Variants in SBNO2 observed in about 807,000 individuals in gnomAD.
The protein encoded by SBNO2 is protein strawberry notch homolog 2.
SBNO2 carries 89 observed loss-of-function variants against 146.3 expected under a neutral mutation model. That is an observed-to-expected ratio of 0.61 (90% CI 0.51 to 0.73). The LOEUF (loss-of-function observed/expected upper bound fraction) is 0.73, where lower values mean the gene tolerates loss of function less well. SBNO2 is among the 30% of genes least tolerant of loss of function. The pLI, the probability that SBNO2 is intolerant of heterozygous loss-of-function variation, is 0.00. For synonymous variants in SBNO2, 1,147 were observed against 892.6 expected, an observed-to-expected ratio of 1.29 and a Z score of -5.08; for missense variants, 2,092 against 2,003.7, an observed-to-expected ratio of 1.04 and a Z score of -0.84.
At chr19:1,113,280 G>A (rs971111247) in intron 19 of SBNO2, among the ~76,000 whole-genome samples, 1 of 152,152 alleles carries the variant, frequency 6.6e-6, no homozygotes, top group African/African-American at 2.4e-5. Flanking sequence ...GATCTAAGCA[G>A]AGGCCTGCGC....
chr19:1,130,491 CA>C (rs1173359488), intron 4 of SBNO2, among the ~76,000 whole-genome samples: 1 of 150,554 alleles, frequency 6.6e-6, no homozygotes, highest in Non-Finnish European at 1.5e-5. Flanking sequence ...GACCCTATCT[CA>C]AAAAAAAAGT....
Position 1,164,371 on chromosome 19 carries a change from C to G in SBNO2, c.-127+9801G>C, listed in dbSNP as rs1197935978. Among the ~76,000 whole-genome samples the G allele has an allele frequency of 9.3e-5, 12 of 129,010 alleles. No homozygotes were observed. The Admixed American group carries it at 1.1e-3, about 12-fold the overall frequency. The allele number at this position is 129,010 out of a possible 152,430, so 84.6% of individuals were successfully genotyped here. A position where few individuals can be genotyped will look rare whatever the true frequency, so the allele number is the denominator to read the frequency against. On this transcript the variant is annotated intron_variant, in intron 1 of 31. Coordinates refer to ENST00000361757, the MANE Select transcript of SBNO2 (RefSeq NM_014963.3). ...GGACACTGTGGGGACGTCCCAGATG[C>G]CAGGGGCAGTGGAGACAGGAGGAGG... is the stretch of plus-strand genomic sequence containing the variant.
chr19:1,157,060 C>T lies in SBNO2; in HGVS notation c.-126-2658G>A, dbSNP rs967459400. Among the ~76,000 whole-genome samples, 6 of 151,574 alleles carry T rather than the reference C, an allele frequency of 4.0e-5. No individual in the cohort carries two copies. Among genetic ancestry groups the T allele is most frequent in the Admixed American group, 1.3e-4 (2 of 15,156 alleles). ...CCATATCTCACAACCCCTGCTGCCCCGATCCCCAGGCCCTCCCGCAGCCCC... is the reference window on the plus strand; with the variant it reads ...CCATATCTCACAACCCCTGCTGCCCTGATCCCCAGGCCCTCCCGCAGCCCC... On this transcript the variant is annotated intron_variant, in intron 1 of 31. Transcript: ENST00000361757. This position sits in a 1 kb window ranked among gnomAD's most constrained non-coding sequence, Gnocchi z 6.8.
chr19:1,115,863 G>A (rs2079824970), intron 17 of SBNO2, 158 bp downstream of exon 17: 4 of 691,650 alleles, frequency 5.8e-6, no homozygotes, highest in Non-Finnish European at 1.0e-5. Context: ...CGCAAGACCT[G>A]CCACTGGCAG....
chr19:1,158,837 C>T lies in SBNO2; in HGVS notation c.-126-4435G>A, dbSNP rs570275060. Among the ~76,000 whole-genome samples, 2 of 152,240 alleles carry T rather than the reference C, an allele frequency of 1.3e-5. No homozygotes were observed. The highest frequency in any genetic ancestry group is 2.1e-4 in the South Asian group (1 of 4,830). ...ACGGCCATAAGACAGAGCGGACTTGCGGCCTCCGGTGACCTCACAGCCGTG... is the reference window on the plus strand; with the variant it reads ...ACGGCCATAAGACAGAGCGGACTTGTGGCCTCCGGTGACCTCACAGCCGTG... On this transcript the variant is annotated intron_variant, in intron 1 of 31. Coordinates refer to ENST00000361757, the MANE Select transcript of SBNO2 (RefSeq NM_014963.3). The surrounding 1 kb of genome is among the most constrained non-coding windows in gnomAD (Gnocchi z 9.9).
At chr19:1,146,663 C>G (rs2080192702) in intron 4 of SBNO2, among the ~76,000 whole-genome samples, 1 of 150,560 alleles carries the variant, frequency 6.6e-6, no homozygotes, top group Non-Finnish European at 1.5e-5. Context: ...GCACTGGGTG[C>G]TCCAGAGCTG....
chr19:1,112,713 A>C lies in SBNO2; in HGVS notation c.2379+105T>G, dbSNP rs1458877106. On this transcript the variant is annotated intron_variant, in intron 20 of 31. Coordinates refer to ENST00000361757, the MANE Select transcript of SBNO2 (RefSeq NM_014963.3). This position sits in a 1 kb window ranked among gnomAD's most constrained non-coding sequence, Gnocchi z 5.9. ...GGCCACTCGCGCCCGCACCTGGCAC[A>C]CACACACTCCAGAAGTGCGCGGGTC... 1 of 1,456,316 alleles carries C rather than the reference A, an allele frequency of 6.9e-7. No individual in the cohort carries two copies. Among genetic ancestry groups the C allele is most frequent in the East Asian group, 2.5e-5 (1 of 40,182 alleles). 90.2% of individuals were successfully genotyped at this position (1,456,316 alleles called of 1,614,324 possible). A position where few individuals can be genotyped will look rare whatever the true frequency, so the allele number is the denominator to read the frequency against.
chr19:1,149,333 G>A, intron 3 of SBNO2, 36 bp downstream of exon 3: 1 of 1,533,512 alleles, frequency 6.5e-7, no homozygotes, highest in Non-Finnish European at 8.8e-7. Context: ...GAATGAGCAA[G>A]CCTGGGGGCC....
rs762097002 is a variant in SBNO2, at chr19:1,127,722, G to T, written c.323C>A (p.Ser108Tyr). The change falls in exon 5 of 32, where the codon TCC (serine) becomes TAC (tyrosine). Residue 108 changes from serine (S) to tyrosine (Y), a missense_variant. Physicochemically the swap from Ser to Tyr is moderately radical, Grantham distance 144. Transcript: ENST00000361757. ...GTCCGACAGGGAGTCCACGGACGAG[G>T]AGAAGATGGAGATGTTGGAGAAGTC... ...FEDFSNISIF[S>Y]SSVDSLSDIV... is the part of the protein sequence containing the mutation. 1 of 1,613,650 alleles carries T rather than the reference G, an allele frequency of 6.2e-7. No homozygotes were observed. Among genetic ancestry groups the T allele is most frequent in the Non-Finnish European group, 8.5e-7 (1 of 1,179,868 alleles).
Position 1,126,256 on chromosome 19 carries a change from CAGTT to C in SBNO2, c.441+1344_441+1347del, listed in dbSNP as rs956784376. Reference sequence around the variant, plus strand: ...CACAGGAAGGTTAGAAACCTATACTCAGTTGCCCTCTCCTTTTTTTTTTAAGTTA... The same window carrying C: ...CACAGGAAGGTTAGAAACCTATACTCGCCCTCTCCTTTTTTTTTTAAGTTA... On this transcript the variant is annotated intron_variant, in intron 5 of 31. Transcript: ENST00000361757. This position sits in a 1 kb window ranked among gnomAD's most constrained non-coding sequence, Gnocchi z 4.4. Among the ~76,000 whole-genome samples, 1 of 152,102 alleles carries C rather than the reference CAGTT, an allele frequency of 6.6e-6. No individual in the cohort carries two copies. The highest frequency in any genetic ancestry group is 1.5e-5 in the Non-Finnish European group (1 of 68,016).
chr19:1,162,389 G>T (rs1475443393), intron 1 of SBNO2, among the ~76,000 whole-genome samples: 1 of 150,488 alleles, frequency 6.6e-6, no homozygotes, highest in Non-Finnish European at 1.5e-5. Context: ...GAACCCGGGA[G>T]GCGGCGCTTG....
chr19:1,108,782 C>T lies in SBNO2; in HGVS notation c.3613G>A (p.Val1205Met). The change falls in exon 31 of 32, where the codon GTG (valine) becomes ATG (methionine). Residue 1205 changes from valine (V) to methionine (M), a missense_variant. Physicochemically the swap from Val to Met is conservative, Grantham distance 21. Transcript: ENST00000361757. ...GGGGCGCCCGCCGCCCACTCACCCA[C>T]TTGCTTCTTCCTGTCCTTGGTCTTC... ...RLKTKDRKKQVGIKIPEGCVR... is the reference protein window; with the variant it reads ...RLKTKDRKKQMGIKIPEGCVR... 1 of 1,602,524 alleles carries T rather than the reference C, an allele frequency of 6.2e-7. No individual in the cohort carries two copies. Among genetic ancestry groups the T allele is most frequent in the Non-Finnish European group, 8.5e-7 (1 of 1,178,860 alleles).
At chr19:1,139,029 C>T (rs563525001) in intron 4 of SBNO2, among the ~76,000 whole-genome samples, 3 of 151,978 alleles carry the variant, frequency 2.0e-5, no homozygotes, top group South Asian at 2.1e-4. Context: ...GGTACCTCCA[C>T]GCGTCTATCA....
chr19:1,164,361 G>C (rs201871497), intron 1 of SBNO2, among the ~76,000 whole-genome samples: 1 of 82,356 alleles, frequency 1.2e-5, no homozygotes, highest in African/African-American at 4.4e-5. Context: ...CTGTGGGGAC[G>C]TCCCAGATGC....
chr19:1,121,324 A>T (rs889857664), intron 11 of SBNO2, among the ~76,000 whole-genome samples: 1 of 152,230 alleles, frequency 6.6e-6, no homozygotes, highest in Non-Finnish European at 1.5e-5. Context: ...TCTCAGGGTT[A>T]TCGCTATTTC....
intron 2 of SBNO2, among the ~76,000 whole-genome samples, chr19:1,151,877 G>A (rs544396535): frequency 6.6e-6 from 1 of 152,280 alleles, no homozygotes; most frequent in Admixed American, 6.5e-5. Context: ...TGGCCAGGCC[G>A]GTCTCGAACT....
chr19:1,167,501 T>C (rs923689235), intron 1 of SBNO2, among the ~76,000 whole-genome samples: 1 of 152,206 alleles, frequency 6.6e-6, no homozygotes, highest in Non-Finnish European at 1.5e-5. Context: ...CCCACTTCCC[T>C]GCTTTCGGGG....
Position 1,108,299 on chromosome 19 carries a change from C to T in SBNO2, c.4022G>A (p.Gly1341Asp), listed in dbSNP as rs1464200242. Residue 1341 changes from glycine to aspartate, a missense_variant, in exon 32 of 32, where the codon GGC (glycine) becomes GAC (aspartate). By Grantham distance (94) the Gly-to-Asp change is moderately conservative. Coordinates refer to ENST00000361757, the MANE Select transcript of SBNO2 (RefSeq NM_014963.3). ...CCGCTCGGGACCACCGCCCGCCGCG[C>T]CCCCCGCCCCCGCGCCCTCCCCCAG... ...GALGEGAGAGGAAGGGPERQS... is the reference protein window; with the variant it reads ...GALGEGAGAGDAAGGGPERQS... 5 of 1,484,482 alleles carry T rather than the reference C, an allele frequency of 3.4e-6. No homozygotes were observed. The highest frequency in any genetic ancestry group is 4.4e-5 in the Admixed American group (2 of 45,706). The allele number at this position is 1,484,482 out of a possible 1,614,324, so 92.0% of individuals were successfully genotyped here. A position where few individuals can be genotyped will look rare whatever the true frequency, so the allele number is the denominator to read the frequency against.
rs1038374221 is a variant in SBNO2, at chr19:1,140,467, C to T, written c.279+6842G>A. ...GCCAACCTGGAGACGGAAGGCTGAGCAGAAGTGAGGGGGGCCCTTCCTCCG... is the reference window on the plus strand; with the variant it reads ...GCCAACCTGGAGACGGAAGGCTGAGTAGAAGTGAGGGGGGCCCTTCCTCCG... On this transcript the variant is annotated intron_variant, in intron 4 of 31. Coordinates refer to ENST00000361757, the MANE Select transcript of SBNO2 (RefSeq NM_014963.3). The surrounding 1 kb of genome is among the most constrained non-coding windows in gnomAD (Gnocchi z 4.4). Among the ~76,000 whole-genome samples, 2 of 152,140 alleles carry T rather than the reference C, an allele frequency of 1.3e-5. No individual in the cohort carries two copies. The highest frequency in any genetic ancestry group is 2.9e-5 in the Non-Finnish European group (2 of 68,020).
Sources: allele counts gnomAD v4.1 joint callset (sites outside exome capture counted in the v4.1 genomes callset), GRCh38; gene constraint gnomAD v4.1.1; non-coding constraint Gnocchi (gnomAD v3.1); transcripts MANE v1.5; gene names NCBI Gene and HGNC (gene_info 2026-07-23, HGNC 2026-07-21).